NRG1: variants seen among roughly 807,000 people sequenced by gnomAD.
NRG1 encodes neuregulin 1.
Under a neutral mutation model 63.8 loss-of-function variants are expected in NRG1, and 18 were observed. That is an observed-to-expected ratio of 0.28 (90% CI 0.19 to 0.42). The LOEUF (loss-of-function observed/expected upper bound fraction) is 0.42, where lower values mean the gene tolerates loss of function less well. NRG1 is among the 10% of genes least tolerant of loss of function. The pLI, the probability that NRG1 is intolerant of heterozygous loss-of-function variation, is 1.00. For missense variants in NRG1, 762 were observed against 814.7 expected (o/e 0.94, Z 0.79); for synonymous variants, 302 against 301.3 (o/e 1.00, Z -0.02).
intron 5 of NRG1, among the ~76,000 whole-genome samples, chr8:32,640,491 G>T (rs567848049): frequency 7.4e-4 from 112 of 152,188 alleles, no homozygotes; most frequent in African/African-American, 2.7e-3. Flanking sequence ...GTCTTATGGA[G>T]CTGACATTCT....
chr8:31,926,900 AT>A (rs756100268), intron 1 of NRG1, among the ~76,000 whole-genome samples: 15 of 151,976 alleles, frequency 9.9e-5, no homozygotes, highest in Non-Finnish European at 1.5e-4. Context: ...CACCTAGACT[AT>A]TTTTCCAGTA....
intron 1 of NRG1, among the ~76,000 whole-genome samples, chr8:32,388,824 G>T (rs1400068380): frequency 3.3e-5 from 5 of 151,694 alleles, no homozygotes; most frequent in East Asian, 1.9e-4. Flanking sequence ...AGTTTTTTTT[G>T]GGGGGGAAAT....
chr8:32,424,524 GT>G (rs1817102655), intron 1 of NRG1, among the ~76,000 whole-genome samples: 1 of 152,196 alleles, frequency 6.6e-6, no homozygotes, highest in Admixed American at 6.5e-5. Flanking sequence ...ATTCAAGTGA[GT>G]CAGGAGATCT....
chr8:32,311,921 A>T (rs6982837), intron 1 of NRG1, among the ~76,000 whole-genome samples: 1 of 152,008 alleles, frequency 6.6e-6, no homozygotes, highest in Admixed American at 6.5e-5. Context: ...GTGACCAACT[A>T]CTTCCTAAAG....
chr8:32,395,366 C>G (rs1812308172), intron 1 of NRG1, among the ~76,000 whole-genome samples: 1 of 152,156 alleles, frequency 6.6e-6, no homozygotes, highest in Non-Finnish European at 1.5e-5. Flanking sequence ...ACAGCAGTGT[C>G]TGGGAATTAC....
intron 1 of NRG1, among the ~76,000 whole-genome samples, chr8:31,903,436 A>G (rs1467704047): frequency 6.6e-6 from 1 of 151,510 alleles, no homozygotes; most frequent in African/African-American, 2.4e-5. Context: ...GACGTGAGCC[A>G]CCGCGCCCGG....
intron 1 of NRG1, among the ~76,000 whole-genome samples, chr8:32,275,409 T>G (rs1469448936): frequency 3.3e-5 from 5 of 152,004 alleles, no homozygotes; most frequent in African/African-American, 1.2e-4. Context: ...TGAATTAAAA[T>G]AAGGCAGGAC....
At chr8:32,569,495 TTCTG>T (rs1257290429) in intron 1 of NRG1, among the ~76,000 whole-genome samples, 3 of 152,210 alleles carry the variant, frequency 2.0e-5, no homozygotes. Context: ...TTGTTTAACT[TTCTG>T]TCTATTTTCT....
At chr8:32,026,961 A>T (rs898960540) in intron 1 of NRG1, among the ~76,000 whole-genome samples, 1 of 151,996 alleles carries the variant, frequency 6.6e-6, no homozygotes, top group African/African-American at 2.4e-5. Context: ...TGTATCAGTA[A>T]CTTAATTTTC....
chr8:32,605,758 A>G, intron 3 of NRG1, 75 bp downstream of exon 3: 1 of 1,499,954 alleles, frequency 6.7e-7, no homozygotes, highest in South Asian at 1.2e-5. Flanking sequence ...GACTCATAAT[A>G]GACTGGTGTG....
chr8:32,706,587 A>G (rs1052295563), intron 5 of NRG1, among the ~76,000 whole-genome samples: 35 of 151,890 alleles, frequency 2.3e-4, no homozygotes, highest in Admixed American at 3.3e-4. Flanking sequence ...GTGTAATTTT[A>G]CAAGACTGTA....
At chr8:32,763,138 G>GA in intron 11 of NRG1, 4 of 1,428,712 alleles carry the variant, frequency 2.8e-6, no homozygotes, top group Non-Finnish European at 2.9e-6. Flanking sequence ...GCATTTCATG[G>GA]AAAAAATGAA....
chr8:32,299,762 A>G (rs1255067277), intron 1 of NRG1, among the ~76,000 whole-genome samples: 2 of 152,152 alleles, frequency 1.3e-5, no homozygotes, highest in Non-Finnish European at 2.9e-5. Context: ...CCCTTTATCA[A>G]ACCACCAGAT....
intron 7 of NRG1, among the ~76,000 whole-genome samples, chr8:32,754,040 CAG>C (rs1829223785): frequency 6.6e-6 from 1 of 151,966 alleles, no homozygotes; most frequent in East Asian, 1.9e-4. Context: ...AATAAAACTA[CAG>C]AGTTTTAACC....
chr8:32,116,405 A>G (rs896871703), intron 1 of NRG1, among the ~76,000 whole-genome samples: 2 of 152,148 alleles, frequency 1.3e-5, no homozygotes, highest in Admixed American at 1.3e-4. Context: ...GATGTTTCCA[A>G]TTAAGAGAAG....
In NRG1 at chr8:32,689,255, G is replaced by C. The variant is rs184488676; in HGVS notation, c.503-38694G>C. Among the ~76,000 whole-genome samples, 533 of 151,070 alleles carry C rather than the reference G, an allele frequency of 3.5e-3. 6 individuals carry two copies. The highest frequency in any genetic ancestry group is 0.012 in the African/African-American group (509 of 41,146). Reference sequence around the variant, plus strand: ...GTAGTGTGGACTCCAGTGTTCAGCAGTTTGTAGATAAAACTGGGATCGTGG... The same window carrying C: ...GTAGTGTGGACTCCAGTGTTCAGCACTTTGTAGATAAAACTGGGATCGTGG... On this transcript the variant is annotated intron_variant, in intron 5 of 11. Transcript: ENST00000356819.
At chr8:31,888,881 A>C (rs189571849) in intron 1 of NRG1, among the ~76,000 whole-genome samples, 25 of 152,218 alleles carry the variant, frequency 1.6e-4, no homozygotes, top group Admixed American at 2.6e-4. Flanking sequence ...AAAACATTAA[A>C]ATTTGAATAA....
At chr8:32,010,211 T>A (rs1361357833) in intron 1 of NRG1, among the ~76,000 whole-genome samples, 3 of 152,080 alleles carry the variant, frequency 2.0e-5, no homozygotes, top group African/African-American at 7.2e-5. Context: ...GGAAAGCACA[T>A]CATAATTAGT....
intron 1 of NRG1, among the ~76,000 whole-genome samples, chr8:32,528,292 G>C (rs1831088243): frequency 6.6e-6 from 1 of 152,156 alleles, no homozygotes; most frequent in Non-Finnish European, 1.5e-5. Flanking sequence ...CTTAATCAAG[G>C]TGATGCTTTA....
Sources: gnomAD v4.1 joint callset for allele counts (sites outside exome capture counted in the v4.1 genomes callset) on GRCh38, gnomAD v4.1.1 for gene constraint, MANE v1.5 for transcripts, NCBI Gene and HGNC (gene_info 2026-07-23, HGNC 2026-07-21) for gene names.